HPSE2: variants seen among roughly 807,000 people sequenced by gnomAD.
HPSE2 encodes heparanase 2 (inactive), also known as inactive heparanase-2.
A neutral mutation model predicts 60.5 loss-of-function variants in HPSE2; 38 were observed. That is an observed-to-expected ratio of 0.63 (90% CI 0.48 to 0.82). The LOEUF is 0.82. Ranked by LOEUF, HPSE2 falls within the 40% of genes least tolerant of loss-of-function variation. The pLI, the probability that HPSE2 is intolerant of heterozygous loss-of-function variation, is 0.00. For missense variants in HPSE2, 713 were observed against 740.4 expected, an observed-to-expected ratio of 0.96 and a Z score of 0.43; for synonymous variants, 295 against 293.2, an observed-to-expected ratio of 1.01 and a Z score of -0.06.
At chr10:98,995,827 A>G (rs1015235741) in intron 3 of HPSE2, among the ~76,000 whole-genome samples, 1 of 152,210 alleles carries the variant, frequency 6.6e-6, no homozygotes, top group African/African-American at 2.4e-5. Context: ...GACACTTTAC[A>G]AAAGAAAAAT....
chr10:99,107,734 T>G (rs1844304000), intron 3 of HPSE2, among the ~76,000 whole-genome samples: 1 of 152,174 alleles, frequency 6.6e-6, no homozygotes, highest in South Asian at 2.1e-4. Context: ...AAAATACCAA[T>G]AGCACATTAT....
At chr10:98,587,294 C>T (rs1443662736) in intron 9 of HPSE2, among the ~76,000 whole-genome samples, 15 of 152,124 alleles carry the variant, frequency 9.9e-5, no homozygotes, top group Admixed American at 8.5e-4. Context: ...GCAAAGCACA[C>T]GCTGATTGAA....
intron 3 of HPSE2, among the ~76,000 whole-genome samples, chr10:98,854,727 G>T (rs1346439331): frequency 6.8e-6 from 1 of 146,994 alleles, no homozygotes; most frequent in Non-Finnish European, 1.5e-5. Context: ...CAGGATCCAT[G>T]GGCACTAAGA....
At chr10:98,634,442 A>G (rs531713913) in intron 7 of HPSE2, among the ~76,000 whole-genome samples, 1 of 152,318 alleles carries the variant, frequency 6.6e-6, no homozygotes, top group South Asian at 2.1e-4. Flanking sequence ...CCATTAGAGA[A>G]GACTAATATT....
intron 3 of HPSE2, among the ~76,000 whole-genome samples, chr10:99,062,654 T>C (rs1386666192): frequency 6.6e-6 from 1 of 152,112 alleles, no homozygotes; most frequent in African/African-American, 2.4e-5. Context: ...TTTCAGCCAG[T>C]AATCTGTCCA....
intron 3 of HPSE2, among the ~76,000 whole-genome samples, chr10:99,111,595 G>A (rs1449157111): frequency 6.6e-6 from 1 of 152,106 alleles, no homozygotes; most frequent in Non-Finnish European, 1.5e-5. Flanking sequence ...ATATCTACAG[G>A]TGCCTAAATA....
intron 4 of HPSE2, among the ~76,000 whole-genome samples, chr10:98,742,303 G>A (rs1949517170): frequency 6.6e-6 from 1 of 152,094 alleles, no homozygotes; most frequent in Non-Finnish European, 1.5e-5. Context: ...AGTGGCTACT[G>A]GTAGGAAAGT....
chr10:98,850,312 T>A (rs1393695229), intron 3 of HPSE2, among the ~76,000 whole-genome samples: 2 of 152,166 alleles, frequency 1.3e-5, no homozygotes, highest in African/African-American at 4.8e-5. Flanking sequence ...AATTGAGAAG[T>A]ATAGCCTAGA....
intron 5 of HPSE2, among the ~76,000 whole-genome samples, chr10:98,711,620 T>C (rs1443626159): frequency 6.6e-6 from 1 of 151,996 alleles, no homozygotes; most frequent in East Asian, 1.9e-4. Flanking sequence ...TTCCCAAAAG[T>C]GTTGTGAGAA....
rs969801835 is a variant in HPSE2 at position 98,527,511 on chromosome 10, A to G, written c.1321-37315T>C. Among the ~76,000 whole-genome samples the G allele has an allele frequency of 3.3e-5, 5 of 152,264 alleles. No individual in the cohort carries two copies. The South Asian group carries it at 1.0e-3, about 32-fold the overall frequency. ...AGACGGTGCTTCCTCTAGCTCCTCA[A>G]GAGCCCACGGCACTCTCATCCCTCA... On this transcript the variant is annotated intron_variant, in intron 9 of 11. Coordinates refer to ENST00000370552, the MANE Select transcript of HPSE2 (RefSeq NM_021828.5).
At chr10:98,536,354 G>A (rs886755816) in intron 9 of HPSE2, among the ~76,000 whole-genome samples, 3 of 152,204 alleles carry the variant, frequency 2.0e-5, no homozygotes, top group African/African-American at 7.2e-5. Flanking sequence ...TTAGGTTAGT[G>A]GGGAACCCAA....
At chr10:99,147,034 A>G (rs1476944991) in intron 2 of HPSE2, among the ~76,000 whole-genome samples, 1 of 152,230 alleles carries the variant, frequency 6.6e-6, no homozygotes, top group Non-Finnish European at 1.5e-5. Context: ...TATGTAAGTC[A>G]TTAATAGTTA....
chr10:98,505,245 G>C (rs1290696694), intron 9 of HPSE2, among the ~76,000 whole-genome samples: 1 of 152,168 alleles, frequency 6.6e-6, no homozygotes, highest in African/African-American at 2.4e-5. Context: ...TTCATCAGCT[G>C]GGTGCTTCAA....
At chr10:98,780,362 G>T (rs79676727) in intron 3 of HPSE2, among the ~76,000 whole-genome samples, 5,876 of 152,194 alleles carry the variant, frequency 0.039, 183 homozygotes, top group East Asian at 0.12. Flanking sequence ...TTATTAGAAG[G>T]TATTTCATTT....
At chr10:98,789,204 A>G (rs888737236) in intron 3 of HPSE2, among the ~76,000 whole-genome samples, 1 of 152,184 alleles carries the variant, frequency 6.6e-6, no homozygotes, top group African/African-American at 2.4e-5. Context: ...AAAGATGGTA[A>G]CTTTAGCTGT....
At chr10:98,488,591 A>G (rs1941526777) in intron 10 of HPSE2, among the ~76,000 whole-genome samples, 1 of 152,222 alleles carries the variant, frequency 6.6e-6, no homozygotes, top group Non-Finnish European at 1.5e-5. Flanking sequence ...AAGTCCTCAG[A>G]TTAGCGGTAT....
At position 98,669,723 on chromosome 10, in the gene HPSE2, G is replaced by T. The variant is rs1947457139; in HGVS notation, c.1004+24177C>A. ...ATGGGAACAATAGACACTGGGGACTGCTAGAACAGAGGAGGGAATGAAGGG... is the reference window on the plus strand; with the variant it reads ...ATGGGAACAATAGACACTGGGGACTTCTAGAACAGAGGAGGGAATGAAGGG... On this transcript the variant is annotated intron_variant, in intron 6 of 11. Transcript: ENST00000370552. 3.3e-5 allele frequency among the ~76,000 whole-genome samples: 5 copies of T among 152,176 alleles called. 1 individual carries two copies. The highest frequency in any genetic ancestry group is 3.3e-4 in the Admixed American group (5 of 15,276).
chr10:98,954,406 A>G (rs1041608663), intron 3 of HPSE2, among the ~76,000 whole-genome samples: 1 of 152,200 alleles, frequency 6.6e-6, no homozygotes, highest in Non-Finnish European at 1.5e-5. Context: ...TCCCTTTTCC[A>G]TTCTATTGGG....
intron 3 of HPSE2, among the ~76,000 whole-genome samples, chr10:98,980,460 A>AT (rs983729539): frequency 7.9e-5 from 12 of 152,318 alleles, no homozygotes; most frequent in African/African-American, 2.9e-4. Flanking sequence ...AACTCCAGGG[A>AT]TGTCTCATGG....
Sources: allele counts gnomAD v4.1 joint callset (sites outside exome capture counted in the v4.1 genomes callset), GRCh38; gene constraint gnomAD v4.1.1; transcripts MANE v1.5; gene names NCBI Gene and HGNC (gene_info 2026-07-23, HGNC 2026-07-21).